LHX4: variants seen among roughly 807,000 people sequenced by gnomAD.
The protein encoded by LHX4 is LIM/homeobox protein Lhx4.
In LHX4, 16 loss-of-function variants were observed where a neutral mutation model predicts 39.2. The ratio of observed to expected loss-of-function variants is 0.41; its 90% CI spans 0.28 to 0.62. LHX4 has a LOEUF of 0.62. Ranked by LOEUF, LHX4 falls within the 20% of genes least tolerant of loss-of-function variation. LHX4 has a pLI of 0.33. For synonymous variants in LHX4, 206 were observed against 198.1 expected, an observed-to-expected ratio of 1.04 and a Z score of -0.33; for missense variants, 439 against 511.9, an observed-to-expected ratio of 0.86 and a Z score of 1.37.
intron 2 of LHX4, among the ~76,000 whole-genome samples, chr1:180,256,510 T>A (rs1012244759): frequency 6.6e-6 from 1 of 152,216 alleles, no homozygotes; most frequent in Non-Finnish European, 1.5e-5. Context: ...CCCATTCCAG[T>A]TCCTGCGGGT....
At chr1:180,243,661 G>C (rs1309593273) in intron 1 of LHX4, among the ~76,000 whole-genome samples, 1 of 152,052 alleles carries the variant, frequency 6.6e-6, no homozygotes, top group East Asian at 1.9e-4. Flanking sequence ...CCTTGTAGCT[G>C]GGGGAGGAGA....
chr1:180,264,378 AACACACACACACAC>A lies in LHX4; in HGVS notation c.249-1992_249-1979del, dbSNP rs10561933. Among the ~76,000 whole-genome samples, 61 of 145,400 alleles carry A rather than the reference AACACACACACACAC, an allele frequency of 4.2e-4. No homozygotes were observed. The South Asian group carries it at 5.4e-3, about 13-fold the overall frequency. The stretch of plus-strand genomic sequence containing the variant: ...CTTTCTCTGTTATACACACACACAT[AACACACACACACAC>A]ACACACACACACACACACACAGTAG... On this transcript the variant is annotated intron_variant, in intron 2 of 5. Transcript: ENST00000263726.
chr1:180,231,702 C>G (rs1282309813), intron 1 of LHX4, among the ~76,000 whole-genome samples: 3 of 152,018 alleles, frequency 2.0e-5, no homozygotes, highest in Admixed American at 1.3e-4. Context: ...CCTGCGACTT[C>G]TTTAGTGGTG....
chr1:180,274,129 AG>A (rs1301649205), intron 5 of LHX4, 55 bp from the exon 6 acceptor site: 35 of 1,605,056 alleles, frequency 2.2e-5, no homozygotes, highest in Non-Finnish European at 2.9e-5. Context: ...TGTGAAGAGC[AG>A]GGGACCATCA....
Position 180,234,789 on chromosome 1 carries a change from C to A in LHX4, c.76+4184C>A, listed in dbSNP as rs1664272525. Among the ~76,000 whole-genome samples, 1 of 152,234 alleles carries A rather than the reference C, an allele frequency of 6.6e-6. No individual in the cohort carries two copies. Among genetic ancestry groups the A allele is most frequent in the Admixed American group, 6.5e-5 (1 of 15,288 alleles). ...TTTCCTCTCTTGGCCGAGGTCCGGG[C>A]TCGTGGAAAACCAGAGCTAGGCGGG... On this transcript the variant is annotated intron_variant, in intron 1 of 5. Transcript: ENST00000263726. The surrounding 1 kb of genome is among the most constrained non-coding windows in gnomAD (Gnocchi z 4.8).
At chr1:180,256,847 G>T (rs1467928542) in intron 2 of LHX4, among the ~76,000 whole-genome samples, 2 of 152,230 alleles carry the variant, frequency 1.3e-5, no homozygotes, top group African/African-American at 2.4e-5. Flanking sequence ...ATGAGGTGCT[G>T]CGGGAAGTAA....
upstream of LHX4, among the ~76,000 whole-genome samples, chr1:180,229,961 G>GAGGCGC (rs1238008078): frequency 1.0e-4 from 5 of 48,650 alleles, no homozygotes; most frequent in African/African-American, 3.2e-4. Flanking sequence ...GGCGGAGGCG[G>GAGGCGC]GGAGGGGGGG....
rs555728017 is a variant in LHX4, at chr1:180,274,670, C to T, written c.*91C>T. Reference sequence around the variant, plus strand: ...ACTTGCCTTTTAAGGATCGAAAGTACGCCAATGTGAATTTCCATTATTTTC... The same window carrying T: ...ACTTGCCTTTTAAGGATCGAAAGTATGCCAATGTGAATTTCCATTATTTTC... On this transcript the variant is annotated 3_prime_UTR_variant, in exon 6 of 6. Coordinates refer to ENST00000263726, the MANE Select transcript of LHX4 (RefSeq NM_033343.4). The T allele has an allele frequency of 2.2e-4, 303 of 1,387,948 alleles. 6 individuals carry two copies. The South Asian group carries it at 3.7e-3, about 17-fold the overall frequency. The allele number at this position is 1,387,948 out of a possible 1,614,324, so 86.0% of individuals were successfully genotyped here.
chr1:180,229,965 G>GGCGGAGGCGGGGGGGGGC (rs1491546115), upstream of LHX4, among the ~76,000 whole-genome samples: 1 of 12,170 alleles, frequency 8.2e-5, no homozygotes, highest in Non-Finnish European at 2.6e-4. Context: ...GAGGCGGGGA[G>GGCGGAGGCGGGGGGGGGC]GGGGGGGGGG....
chr1:180,247,109 A>T (rs532726106), intron 1 of LHX4, among the ~76,000 whole-genome samples: 6 of 152,282 alleles, frequency 3.9e-5, no homozygotes, highest in African/African-American at 1.4e-4. Context: ...ATGGCTAGAG[A>T]TCCTAGTACT....
intron 2 of LHX4, among the ~76,000 whole-genome samples, chr1:180,257,089 T>C (rs1647889036): frequency 6.6e-6 from 1 of 152,228 alleles, no homozygotes; most frequent in African/African-American, 2.4e-5. Flanking sequence ...CCGTTGCCTC[T>C]TCAAGGAAAT....
chr1:180,230,174 C>A (rs373615884), upstream of LHX4: 27 of 375,102 alleles, frequency 7.2e-5, no homozygotes, highest in East Asian at 3.3e-4. The surrounding 1 kb of genome is among the most constrained non-coding windows in gnomAD (Gnocchi z 5.8). Context: ...TCAAAACGCC[C>A]GGGTGACCGC....
At chr1:180,263,878 C>T (rs1451472241) in intron 2 of LHX4, among the ~76,000 whole-genome samples, 3 of 152,104 alleles carry the variant, frequency 2.0e-5, no homozygotes. Context: ...CCCTCCTCTC[C>T]TTGGATCTCT....
Position 180,274,216 on chromosome 1 carries a change from C to G in LHX4, c.810C>G (p.Thr270=). 6.2e-7 allele frequency: 1 copy of G among 1,614,158 alleles called. No individual in the cohort carries two copies. Among genetic ancestry groups the G allele is most frequent in the Non-Finnish European group, 8.5e-7 (1 of 1,180,022 alleles). The change falls in exon 6 of 6, where the codon ACC becomes ACG. Residue 270 remains threonine (T), a synonymous_variant. Transcript: ENST00000263726. Reference sequence around the variant, plus strand: ...AAATTCTCTCAGAACTTGGCCACACCAATAGGATTTATGGCAACGTGGGGG... The same window carrying G: ...AAATTCTCTCAGAACTTGGCCACACGAATAGGATTTATGGCAACGTGGGGG... ...EDQILSELGH[T]NRIYGNVGDV...
At chr1:180,250,777 G>A (rs1467224111) in intron 2 of LHX4, among the ~76,000 whole-genome samples, 1 of 152,188 alleles carries the variant, frequency 6.6e-6, no homozygotes, top group Non-Finnish European at 1.5e-5. Context: ...AGGGTGGAGA[G>A]GAAGGTGATG....
chr1:180,255,574 C>T (rs568175865), intron 2 of LHX4, among the ~76,000 whole-genome samples: 89 of 152,356 alleles, frequency 5.8e-4, no homozygotes, highest in South Asian at 3.7e-3. Context: ...AGTGGCTGTG[C>T]GTGTGGACAT....
At chr1:180,250,740 G>T (rs1647594229) in intron 2 of LHX4, among the ~76,000 whole-genome samples, 1 of 152,174 alleles carries the variant, frequency 6.6e-6, no homozygotes. Flanking sequence ...TTTGGACCCT[G>T]AGTGGCTGGC....
intron 5 of LHX4, chr1:180,272,894 T>C (rs990596824): frequency 6.6e-6 from 1 of 152,250 alleles, no homozygotes; most frequent in African/African-American, 2.4e-5. Context: ...CACATTTGTA[T>C]ACCTGGAAGG....
chr1:180,265,842 C>T (rs3845396), intron 2 of LHX4, among the ~76,000 whole-genome samples: 2 of 152,096 alleles, frequency 1.3e-5, no homozygotes, highest in Non-Finnish European at 2.9e-5. Context: ...GGAGAGAGAA[C>T]AGCTGTCAGG....
Sources: gnomAD v4.1 joint callset for allele counts (sites outside exome capture counted in the v4.1 genomes callset) on GRCh38, gnomAD v4.1.1 for gene constraint, Gnocchi (gnomAD v3.1) non-coding constraint, MANE v1.5 for transcripts, NCBI Gene and HGNC (gene_info 2026-07-23, HGNC 2026-07-21) for gene names.